Variants in SENP1 observed in about 807,000 individuals in gnomAD.
The protein encoded by SENP1 is SUMO specific peptidase 1.
Under a neutral mutation model 93.0 loss-of-function variants are expected in SENP1, and 21 were observed. The ratio of observed to expected loss-of-function variants is 0.23; its 90% CI spans 0.16 to 0.33. SENP1 has a LOEUF of 0.33. Among genes scored for constraint, SENP1 ranks in the 10% least tolerant of loss-of-function variants. The pLI, the probability that SENP1 is intolerant of heterozygous loss-of-function variation, is 1.00. For synonymous variants in SENP1, 256 were observed against 259.6 expected (o/e 0.99, Z 0.13); for missense variants, 591 against 758.7 (o/e 0.78, Z 2.60).
At chr12:48,080,736 C>G (rs1944437830) in intron 6 of SENP1, among the ~76,000 whole-genome samples, 2 of 152,052 alleles carry the variant, frequency 1.3e-5, no homozygotes. Context: ...AAGTTTGGCC[C>G]AATATTTTGT....
At chr12:48,104,209 T>TA (rs1190094040) in intron 1 of SENP1, among the ~76,000 whole-genome samples, 1 of 119,514 alleles carries the variant, frequency 8.4e-6, no homozygotes, top group African/African-American at 3.3e-5. Flanking sequence ...AGACTCTGTC[T>TA]AAAAAAAGAA....
intron 5 of SENP1, among the ~76,000 whole-genome samples, chr12:48,086,856 T>C (rs1269098683): frequency 1.3e-5 from 2 of 152,142 alleles, no homozygotes; most frequent in Non-Finnish European, 2.9e-5. Flanking sequence ...CTTGCTAATA[T>C]GGCGAAATGC....
At chr12:48,058,604 G>GT (rs1275068687) in intron 13 of SENP1, among the ~76,000 whole-genome samples, 2 of 152,066 alleles carry the variant, frequency 1.3e-5, no homozygotes, top group Non-Finnish European at 2.9e-5. Context: ...TCTTCCAACA[G>GT]TATATTTGTC....
chr12:48,047,623 G>A (rs59135652), intron 15 of SENP1, among the ~76,000 whole-genome samples: 3,698 of 152,238 alleles, frequency 0.024, 159 homozygotes, highest in African/African-American at 0.084. Flanking sequence ...AATGAAACAG[G>A]TGGAGCATAA....
Position 48,083,726 on chromosome 12 carries a change from A to G in SENP1, c.417T>C (p.His139=), listed in dbSNP as rs1944643348. ...TTTCATATGCAGATACATGGCAGTG[A>G]TGGTTTGACTTTCCCGCAAAACTGT... ...LSNSFAGKSN[H]HCHVSAYEKS... Residue 139 remains histidine, a synonymous_variant, in exon 6 of 18, where the codon CAT becomes CAC. Transcript: ENST00000549518. 1 of 1,612,296 alleles carries G rather than the reference A, an allele frequency of 6.2e-7. No homozygotes were observed. The highest frequency in any genetic ancestry group is 8.5e-7 in the Non-Finnish European group (1 of 1,179,332).
At position 48,063,765 on chromosome 12, in the gene SENP1, G is replaced by A; in HGVS notation, c.1352C>T (p.Thr451Ile). ...AGTTTGAATATCTTTGCGTGTAATG[G>A]TCAGGCGAAATGCTTCACTGAGAAC... ...DEVLSEAFRL[T>I]ITRKDIQTLN... Residue 451 changes from threonine (T) to isoleucine (I), a missense_variant, in exon 13 of 18, where the codon ACC becomes ATC. Around this residue, in one of 4 missense-constraint regions of SENP1, gnomAD observed 238 missense variants for 259.1 expected, o/e 0.92. Coordinates refer to ENST00000549518, the MANE Select transcript of SENP1 (RefSeq NM_001267594.2). 1 of 1,613,034 alleles carries A rather than the reference G, an allele frequency of 6.2e-7. No homozygotes were observed. The highest frequency in any genetic ancestry group is 8.5e-7 in the Non-Finnish European group (1 of 1,179,340).
At chr12:48,063,985 C>T in intron 12 of SENP1, 144 bp from the exon 13 acceptor site, 1 of 821,864 alleles carries the variant, frequency 1.2e-6, no homozygotes, top group Non-Finnish European at 1.8e-6. Context: ...TTACTTCTAA[C>T]ATTTTGGTTT....
chr12:48,089,279 C>T (rs1243176251), intron 4 of SENP1: 1 of 1,380,640 alleles, frequency 7.2e-7, no homozygotes, highest in East Asian at 4.2e-5. Flanking sequence ...CTTGCAAGCA[C>T]TCCCAGGCCT....
intron 4 of SENP1, among the ~76,000 whole-genome samples, chr12:48,091,715 T>C (rs959871132): frequency 6.6e-6 from 1 of 152,142 alleles, no homozygotes; most frequent in African/African-American, 2.4e-5. Context: ...GGTCTCCCTC[T>C]GTCCCCATGC....
chr12:48,071,408 G>A lies in SENP1; in HGVS notation c.995+259C>T, dbSNP rs11168385. On this transcript the variant is annotated intron_variant, in intron 9 of 17. Transcript: ENST00000549518. ...AGGCAGGTGGATCACTTGAGGTCAGGAGTTCGAGACCAGCCTGGCCAACAC... is the reference window on the plus strand; with the variant it reads ...AGGCAGGTGGATCACTTGAGGTCAGAAGTTCGAGACCAGCCTGGCCAACAC... Among the ~76,000 whole-genome samples the A allele has an allele frequency of 7.9e-3, 1,207 of 152,238 alleles. 29 individuals carry two copies. Among genetic ancestry groups the A allele is most frequent in the African/African-American group, 0.028 (1,143 of 41,534 alleles).
chr12:48,065,295 C>A (rs1398971592), intron 11 of SENP1, 75 bp from the exon 12 acceptor site: 1 of 1,163,210 alleles, frequency 8.6e-7, no homozygotes, highest in Admixed American at 2.7e-5. Flanking sequence ...AGGGTTATGT[C>A]CCAATAAACC....
At position 48,045,124 on chromosome 12, in the gene SENP1, A is replaced by C; in HGVS notation, c.*198T>G. 1 of 568,606 alleles carries C rather than the reference A, an allele frequency of 1.8e-6. No homozygotes were observed. Among genetic ancestry groups the C allele is most frequent in the Non-Finnish European group, 3.2e-6 (1 of 313,560 alleles). 35.2% of individuals were successfully genotyped at this position (568,606 alleles called of 1,614,324 possible). A position where few individuals can be genotyped will look rare whatever the true frequency, so the allele number is the denominator to read the frequency against. On this transcript the variant is annotated 3_prime_UTR_variant, in exon 18 of 18. Transcript: ENST00000549518. ...TCCCTCACCCCTTTCACAGCACCAA[A>C]GTTTCTTTGCAAAAATAGTATCTGA...
At chr12:48,098,517 C>T (rs1402090636) in intron 2 of SENP1, among the ~76,000 whole-genome samples, 1 of 151,918 alleles carries the variant, frequency 6.6e-6, no homozygotes, top group Non-Finnish European at 1.5e-5. Context: ...GTGGCGGGTA[C>T]CTGTAATCCC....
chr12:48,082,391 A>G (rs935630864), intron 6 of SENP1, among the ~76,000 whole-genome samples: 5 of 152,188 alleles, frequency 3.3e-5, no homozygotes, highest in Non-Finnish European at 7.3e-5. Context: ...AGCATACTTG[A>G]CCAAACCTCT....
rs1941568046 is a variant in SENP1, at chr12:48,048,842, A to G, written c.1611+87T>C. 5 of 934,170 alleles carry G rather than the reference A, an allele frequency of 5.4e-6. No homozygotes were observed. In the East Asian group the frequency reaches 1.0e-4, roughly 20 times the overall value. 57.9% of individuals were successfully genotyped at this position (934,170 alleles called of 1,614,324 possible). ...CACTCTTTCTCTCAATAATCAAGGG[A>G]ACATGTAGAACTACTACTCACTACC... On this transcript the variant is annotated intron_variant, in intron 14 of 17. Coordinates refer to ENST00000549518, the MANE Select transcript of SENP1 (RefSeq NM_001267594.2).
At chr12:48,075,656 G>C (rs1463374728) in intron 6 of SENP1, among the ~76,000 whole-genome samples, 1 of 152,072 alleles carries the variant, frequency 6.6e-6, no homozygotes, top group Non-Finnish European at 1.5e-5. Context: ...TTCATTCATT[G>C]ACATGAACAC....
At chr12:48,088,697 T>C (rs1945041726) in intron 5 of SENP1, 104 bp downstream of exon 5, 1 of 1,082,126 alleles carries the variant, frequency 9.2e-7, no homozygotes, top group South Asian at 1.5e-5. Context: ...AGTCCAAAAA[T>C]GGTGTTACTC....
intron 5 of SENP1, among the ~76,000 whole-genome samples, chr12:48,087,801 C>T (rs1944983312): frequency 6.6e-6 from 1 of 152,110 alleles, no homozygotes; most frequent in South Asian, 2.1e-4. Context: ...TCTATCAACA[C>T]CATAAAGCTC....
chr12:48,082,125 G>A (rs771253837), intron 6 of SENP1, among the ~76,000 whole-genome samples: 18 of 151,796 alleles, frequency 1.2e-4, no homozygotes, highest in South Asian at 6.2e-4. Flanking sequence ...TCCTGACCTC[G>A]TGATCCGCCC....
Sources: allele counts gnomAD v4.1 joint callset (sites outside exome capture counted in the v4.1 genomes callset), GRCh38; gene constraint gnomAD v4.1.1; regional missense constraint gnomAD v4.1.1; transcripts MANE v1.5; gene names NCBI Gene and HGNC (gene_info 2026-07-23, HGNC 2026-07-21).